The following FKBP15 variants were observed in gnomAD, a reference collection of about 807,000 sequenced individuals.
FKBP15 encodes FKBP prolyl isomerase family member 15.
In FKBP15, 106 loss-of-function variants were observed where a neutral mutation model predicts 158.1. The observed-to-expected ratio is 0.67, with a 90% CI of 0.57 to 0.79. The LOEUF is 0.79. Among genes scored for constraint, FKBP15 ranks in the 30% least tolerant of loss-of-function variants. The pLI, the probability that FKBP15 is intolerant of heterozygous loss-of-function variation, is 0.00. For synonymous variants in FKBP15, 547 were observed against 548.6 expected (o/e 1.00, Z 0.04); for missense variants, 1,287 against 1,479.1 (o/e 0.87, Z 2.13).
chr9:113,206,330 G>T, intron 4 of FKBP15, 179 bp downstream of exon 4: 1 of 575,972 alleles, frequency 1.7e-6, no homozygotes, highest in Non-Finnish European at 3.1e-6. Context: ...TTGTTTTAAC[G>T]CACAATAGTA....
intron 11 of FKBP15, among the ~76,000 whole-genome samples, chr9:113,191,661 A>G (rs143993517): frequency 1.1e-4 from 17 of 148,486 alleles, no homozygotes; most frequent in African/African-American, 4.1e-4. Flanking sequence ...AATTATATAT[A>G]TATAGTTATA....
chr9:113,181,573 C>A (rs534273914), intron 19 of FKBP15, among the ~76,000 whole-genome samples: 1 of 152,062 alleles, frequency 6.6e-6, no homozygotes, highest in South Asian at 2.1e-4. Context: ...TCTGGAGGTT[C>A]GGGATTTAAG....
Position 113,184,388 on chromosome 9 carries a change from T to G in FKBP15, c.1620A>C (p.Leu540Phe), listed in dbSNP as rs1470257291. 3 of 1,601,750 alleles carry G rather than the reference T, an allele frequency of 1.9e-6. 1 individual carries two copies. The East Asian group carries it at 6.7e-5, about 36-fold the overall frequency. The stretch of plus-strand genomic sequence containing the variant: ...TGGAATTGCCAGCACTATGTTTCTG[T>G]AACTCTTCAACCTACAAAAGGGATA... ...MDHLMTKVEELQKHSAGNSML... is the reference protein window; with the variant it reads ...MDHLMTKVEEFQKHSAGNSML... The change falls in exon 17 of 28, where the codon TTA becomes TTC. Residue 540 changes from leucine to phenylalanine, a missense_variant. By Grantham distance (22) the Leu-to-Phe change is conservative. Coordinates refer to ENST00000238256, the MANE Select transcript of FKBP15 (RefSeq NM_015258.2). This position sits in a 1 kb window ranked among gnomAD's most constrained non-coding sequence, Gnocchi z 4.5.
chr9:113,193,251 CT>C (rs925652681), intron 11 of FKBP15, among the ~76,000 whole-genome samples: 52 of 152,260 alleles, frequency 3.4e-4, no homozygotes, highest in African/African-American at 1.2e-3. Flanking sequence ...AGCCTAGAAA[CT>C]TTTTAGCCTC....
chr9:113,219,971 T>C (rs1831217788), intron 1 of FKBP15, among the ~76,000 whole-genome samples: 2 of 152,136 alleles, frequency 1.3e-5, no homozygotes, highest in South Asian at 4.1e-4. Context: ...AGGTAGGTAA[T>C]ATAGAGCTAG....
In FKBP15 at chr9:113,173,559, C is replaced by T. The variant is rs1830251357; in HGVS notation, c.2426G>A (p.Cys809Tyr). 6.2e-7 allele frequency: 1 copy of T among 1,614,002 alleles called. No homozygotes were observed. Among genetic ancestry groups the T allele is most frequent in the Non-Finnish European group, 8.5e-7 (1 of 1,179,888 alleles). ...AELQTQWEAK[C>Y]EHLLASAKDE... ...CTTGGCGGAGGCCAACAAATGTTCA[C>T]ATTTTGCTTCCCACTGGGTCTGTAG... The change falls in exon 23 of 28, where the codon TGT (cysteine) becomes TAT (tyrosine). Residue 809 changes from cysteine (C) to tyrosine (Y), a missense_variant. Cys to Tyr is a radical substitution (Grantham distance 194). Coordinates refer to ENST00000238256, the MANE Select transcript of FKBP15 (RefSeq NM_015258.2).
chr9:113,188,550 GCTGA>G, intron 12 of FKBP15, 59 bp from the exon 13 acceptor site: 2 of 1,382,902 alleles, frequency 1.4e-6, no homozygotes, highest in Non-Finnish European at 2.0e-6. Flanking sequence ...GAAGACTGAG[GCTGA>G]CTGTCTGCCC....
intron 2 of FKBP15, among the ~76,000 whole-genome samples, chr9:113,208,594 T>A (rs990579557): frequency 6.6e-6 from 1 of 152,138 alleles, no homozygotes; most frequent in Non-Finnish European, 1.5e-5. Flanking sequence ...CAGAAACACA[T>A]AAATTAAAAT....
At chr9:113,200,489 T>C (rs73655817) in intron 6 of FKBP15, among the ~76,000 whole-genome samples, 2,701 of 152,220 alleles carry the variant, frequency 0.018, 87 homozygotes, top group African/African-American at 0.062. Context: ...ATTCCCAGAA[T>C]CCACATCAAT....
Position 113,164,497 on chromosome 9 carries a change from C to T in FKBP15, c.*1581G>A, listed in dbSNP as rs1830068341. 6.6e-6 allele frequency: 1 copy of T among 152,244 alleles called. No individual in the cohort carries two copies. Among genetic ancestry groups the T allele is most frequent in the African/African-American group, 2.4e-5 (1 of 41,456 alleles). 9.4% of individuals were successfully genotyped at this position (152,244 alleles called of 1,614,324 possible). A position where few individuals can be genotyped will look rare whatever the true frequency, so the allele number is the denominator to read the frequency against. On this transcript the variant is annotated 3_prime_UTR_variant, in exon 28 of 28. Coordinates refer to ENST00000238256, the MANE Select transcript of FKBP15 (RefSeq NM_015258.2). ...CTGCGGGCAGAAGCAAATATAATAG[C>T]CACTAGTTAATTTACAATAAGAAAT...
intron 6 of FKBP15, among the ~76,000 whole-genome samples, chr9:113,200,347 C>A (rs1338858556): frequency 2.0e-5 from 3 of 152,132 alleles, no homozygotes; most frequent in African/African-American, 7.2e-5. Context: ...TAAACATTAG[C>A]TATTGATGAT....
At position 113,194,118 on chromosome 9, in the gene FKBP15, C is replaced by T. The variant is rs760349713; in HGVS notation, c.916G>A (p.Asp306Asn). Residue 306 changes from aspartate (D) to asparagine (N), a missense_variant, in exon 10 of 28, where the codon GAT becomes AAT. Coordinates refer to ENST00000238256, the MANE Select transcript of FKBP15 (RefSeq NM_015258.2). ...GGGATGGGAGACGGAGCTGCAGAATCGCGGGAACTAACACTGTGACCATCA... is the reference window on the plus strand; with the variant it reads ...GGGATGGGAGACGGAGCTGCAGAATTGCGGGAACTAACACTGTGACCATCA... The part of the protein sequence containing the change: ...GSDGHSVSSR[D>N]SAAPSPIPGA... The T allele has an allele frequency of 2.0e-5, 32 of 1,613,190 alleles. No individual in the cohort carries two copies. Among genetic ancestry groups the T allele is most frequent in the South Asian group, 1.1e-4 (10 of 91,052 alleles).
intron 2 of FKBP15, among the ~76,000 whole-genome samples, chr9:113,208,612 T>A (rs1042573229): frequency 6.6e-6 from 1 of 152,150 alleles, no homozygotes; most frequent in African/African-American, 2.4e-5. Context: ...AATGCAACAT[T>A]TTTGTGTGTA....
intron 1 of FKBP15, among the ~76,000 whole-genome samples, chr9:113,212,687 T>A (rs530942920): frequency 6.6e-6 from 1 of 152,374 alleles, no homozygotes; most frequent in South Asian, 2.1e-4. Flanking sequence ...CCCATTTCTC[T>A]GGCTTCTCTT....
At chr9:113,174,615 G>C (rs1234710795) in intron 21 of FKBP15, 32 bp from the exon 22 acceptor site, 2 of 1,606,272 alleles carry the variant, frequency 1.2e-6, no homozygotes, top group African/African-American at 2.7e-5. Context: ...ATCAGCTCTA[G>C]CTTGTTAACA....
At position 113,211,464 on chromosome 9, in the gene FKBP15, A is replaced by C; in HGVS notation, c.169+13T>G. 2 of 1,594,844 alleles carry C rather than the reference A, an allele frequency of 1.3e-6. No homozygotes were observed. The highest frequency in any genetic ancestry group is 1.1e-5 in the South Asian group (1 of 87,896). ...ATTAGCCACCTCGCTCGGCTAATAC[A>C]CTCTTAACTTACCTGTTGCTGCCGT... On this transcript the variant is annotated intron_variant, in intron 2 of 27. Coordinates refer to ENST00000238256, the MANE Select transcript of FKBP15 (RefSeq NM_015258.2).
chr9:113,161,838 ACATAGCCAAGTGAACTAG>A lies in FKBP15; in HGVS notation c.*4222_*4239del, dbSNP rs1370701159. On this transcript the variant is annotated 3_prime_UTR_variant, in exon 28 of 28. Coordinates refer to ENST00000238256, the MANE Select transcript of FKBP15 (RefSeq NM_015258.2). Reference sequence around the variant, plus strand: ...GACCAGGACTTGCCAAAGTGGCTACACATAGCCAAGTGAACTAGAGCTCATGTCTCCTGATGCCCAGGC... The same window carrying A: ...GACCAGGACTTGCCAAAGTGGCTACAAGCTCATGTCTCCTGATGCCCAGGC... 1.1e-6 allele frequency: 1 copy of A among 901,902 alleles called. No homozygotes were observed. 55.9% of individuals were successfully genotyped at this position (901,902 alleles called of 1,614,324 possible). A position where few individuals can be genotyped will look rare whatever the true frequency, so the allele number is the denominator to read the frequency against.
intron 21 of FKBP15, among the ~76,000 whole-genome samples, chr9:113,175,313 T>C (rs550338020): frequency 6.6e-6 from 1 of 152,260 alleles, no homozygotes; most frequent in South Asian, 2.1e-4. Context: ...GTCACTGTAG[T>C]AGTATCTATA....
chr9:113,210,498 A>C (rs1830980369), intron 2 of FKBP15, among the ~76,000 whole-genome samples: 1 of 152,098 alleles, frequency 6.6e-6, no homozygotes, highest in East Asian at 1.9e-4. Context: ...ATGCCCAGCT[A>C]ATTTTTGTAC....
Sources: gnomAD v4.1 joint callset for allele counts (sites outside exome capture counted in the v4.1 genomes callset) on GRCh38, gnomAD v4.1.1 for gene constraint, Gnocchi (gnomAD v3.1) non-coding constraint, MANE v1.5 for transcripts, NCBI Gene and HGNC (gene_info 2026-07-23, HGNC 2026-07-21) for gene names.